Variants in SHROOM3 observed in about 807,000 individuals in gnomAD.
SHROOM3 encodes the protein protein Shroom3.
A neutral mutation model predicts 138.6 loss-of-function variants in SHROOM3; 47 were observed. The observed-to-expected ratio is 0.34, with a 90% CI of 0.27 to 0.43. SHROOM3 has a LOEUF of 0.43. Among genes scored for constraint, SHROOM3 ranks in the 20% least tolerant of loss-of-function variants. SHROOM3 has a pLI of 1.00. For synonymous variants in SHROOM3, 1,062 were observed against 1,063.3 expected (o/e 1.00, Z 0.02); for missense variants, 2,491 against 2,596.5 (o/e 0.96, Z 0.88).
chr4:76,521,209 C>A (rs1732556793), intron 1 of SHROOM3, among the ~76,000 whole-genome samples: 1 of 151,938 alleles, frequency 6.6e-6, no homozygotes, highest in Non-Finnish European at 1.5e-5. Context: ...ATATGGTGGA[C>A]AGAAATCTAT....
Position 76,781,142 on chromosome 4 carries a change from T to G in SHROOM3, c.*1965T>G, listed in dbSNP as rs1012856445. 3.9e-5 allele frequency: 6 copies of G among 152,348 alleles called. No homozygotes were observed. Among genetic ancestry groups the G allele is most frequent in the Admixed American group, 6.5e-5 (1 of 15,312 alleles). The allele number at this position is 152,348 out of a possible 1,614,324, so 9.4% of individuals were successfully genotyped here. ...TTCTCAAAAATTTTTATTTATTTTCTTGAGAAAGGGTCTTACTATGTTGCC... is the reference window on the plus strand; with the variant it reads ...TTCTCAAAAATTTTTATTTATTTTCGTGAGAAAGGGTCTTACTATGTTGCC... On this transcript the variant is annotated 3_prime_UTR_variant, in exon 11 of 11. Transcript: ENST00000296043.
At chr4:76,646,536 T>C (rs1285061540) in intron 2 of SHROOM3, among the ~76,000 whole-genome samples, 4 of 152,166 alleles carry the variant, frequency 2.6e-5, no homozygotes, top group Non-Finnish European at 5.9e-5. Context: ...TGCCCTAAAT[T>C]GTCCATGTTG....
At chr4:76,497,062 G>A (rs764021211) in intron 1 of SHROOM3, among the ~76,000 whole-genome samples, 8 of 152,204 alleles carry the variant, frequency 5.3e-5, no homozygotes, top group Admixed American at 3.3e-4. Flanking sequence ...AATAAGAGAC[G>A]TATATGGAAC....
At chr4:76,694,264 A>G (rs1225742235) in intron 2 of SHROOM3, among the ~76,000 whole-genome samples, 1 of 152,188 alleles carries the variant, frequency 6.6e-6, no homozygotes, top group Non-Finnish European at 1.5e-5. Context: ...TGTACCCTCA[A>G]GGGTTCATAG....
chr4:76,641,644 C>T (rs932626133), intron 2 of SHROOM3, among the ~76,000 whole-genome samples: 1 of 152,186 alleles, frequency 6.6e-6, no homozygotes, highest in Non-Finnish European at 1.5e-5. Context: ...TCATGGTCTT[C>T]GGAGCTCCAC....
chr4:76,754,352 C>T lies in SHROOM3; in HGVS notation c.3869C>T (p.Pro1290Leu), dbSNP rs3733242. Residue 1290 changes from proline (P) to leucine (L), a missense_variant, in exon 7 of 11, where the codon CCG (proline) becomes CTG (leucine). Transcript: ENST00000296043. ...GAAAGAGGCCAAGAAGAGATGCTGC[C>T]GCTCTTCCACCATCTCACCCCTCGT... ...CSERGQEEML[P>L]LFHHLTPRWG... The T allele has an allele frequency of 0.44, 710,042 of 1,613,826 alleles. 159,800 individuals carry two copies. The highest frequency in any genetic ancestry group is 0.63 in the African/African-American group (47,571 of 74,924).
intron 1 of SHROOM3, among the ~76,000 whole-genome samples, chr4:76,440,616 G>T (rs1180760649): frequency 6.6e-6 from 1 of 152,142 alleles, no homozygotes; most frequent in East Asian, 1.9e-4. Context: ...TGCTGTTCTT[G>T]GCAAATATAT....
intron 2 of SHROOM3, chr4:76,645,772 T>C (rs1482581387): frequency 6.6e-6 from 1 of 152,154 alleles, no homozygotes; most frequent in East Asian, 1.9e-4. Context: ...TTTGATCCCA[T>C]TCTCAAGATA....
At chr4:76,483,585 G>A (rs959206764) in intron 1 of SHROOM3, among the ~76,000 whole-genome samples, 2 of 152,216 alleles carry the variant, frequency 1.3e-5, no homozygotes, top group Admixed American at 6.5e-5. Context: ...AGAAGACAGT[G>A]TGGTGATTCC....
intron 2 of SHROOM3, among the ~76,000 whole-genome samples, chr4:76,596,383 G>A (rs1734384943): frequency 6.6e-6 from 1 of 152,164 alleles, no homozygotes; most frequent in South Asian, 2.1e-4. Flanking sequence ...CCGTACTCCA[G>A]CCTGGGCAAC....
Position 76,740,368 on chromosome 4 carries a change from C to T in SHROOM3, c.2195C>T (p.Ser732Leu). ...CGGCCCGAGGGGAGGACCGGTGCCTCGGCTTCTTTCAACAGCACAGACCCA... is the reference window on the plus strand; with the variant it reads ...CGGCCCGAGGGGAGGACCGGTGCCTTGGCTTCTTTCAACAGCACAGACCCA... ...YPRPEGRTGA[S>L]ASFNSTDPSP... is the part of the protein sequence containing the mutation. The change falls in exon 5 of 11, where the codon TCG becomes TTG. Residue 732 changes from serine (S) to leucine (L), a missense_variant. Physicochemically the swap from Ser to Leu is moderately radical, Grantham distance 145. This residue lies in a region of SHROOM3 where 1,733 missense variants were observed against 1,661.6 expected (regional missense o/e 1.04). Coordinates refer to ENST00000296043, the MANE Select transcript of SHROOM3 (RefSeq NM_020859.4). This position sits in a 1 kb window ranked among gnomAD's most constrained non-coding sequence, Gnocchi z 4.0. 2 of 1,613,058 alleles carry T rather than the reference C, an allele frequency of 1.2e-6. No individual in the cohort carries two copies. Among genetic ancestry groups the T allele is most frequent in the African/African-American group, 1.3e-5 (1 of 75,048 alleles).
intron 2 of SHROOM3, among the ~76,000 whole-genome samples, chr4:76,652,254 A>C (rs1442718846): frequency 1.3e-5 from 2 of 152,196 alleles, no homozygotes; most frequent in Non-Finnish European, 2.9e-5. Context: ...TCTCAAAAGT[A>C]AAAGACATCT....
chr4:76,469,409 C>A (rs1484916645), intron 1 of SHROOM3, among the ~76,000 whole-genome samples: 2 of 151,978 alleles, frequency 1.3e-5, no homozygotes, highest in Non-Finnish European at 2.9e-5. Flanking sequence ...TAAGTCCCCC[C>A]ACTTAAATTC....
chr4:76,441,086 GT>G (rs374530154), intron 1 of SHROOM3, among the ~76,000 whole-genome samples: 39 of 82,186 alleles, frequency 4.7e-4, no homozygotes, highest in Admixed American at 9.9e-4. Context: ...AGTTCAATTT[GT>G]TTTTTTTTTT....
intron 2 of SHROOM3, among the ~76,000 whole-genome samples, chr4:76,646,981 G>A (rs935420885): frequency 4.6e-5 from 7 of 152,116 alleles, no homozygotes; most frequent in African/African-American, 9.7e-5. Context: ...CATTTTGAGC[G>A]CTATTCACAA....
chr4:76,625,014 T>G (rs1735100263), intron 2 of SHROOM3, among the ~76,000 whole-genome samples: 1 of 152,220 alleles, frequency 6.6e-6, no homozygotes, highest in African/African-American at 2.4e-5. Flanking sequence ...AAGCCTTGCT[T>G]GGTAATTCAA....
intron 1 of SHROOM3, among the ~76,000 whole-genome samples, chr4:76,482,383 C>A (rs1051728758): frequency 6.6e-6 from 1 of 152,158 alleles, no homozygotes; most frequent in Non-Finnish European, 1.5e-5. Flanking sequence ...AGAGCCAAAT[C>A]ATGAGCCAAA....
intron 2 of SHROOM3, among the ~76,000 whole-genome samples, chr4:76,567,182 C>T (rs1020654359): frequency 2.0e-5 from 3 of 152,130 alleles, no homozygotes; most frequent in African/African-American, 4.8e-5. Context: ...TTATTGTTTA[C>T]GTAGGAAGGT....
chr4:76,594,169 CAG>C (rs1734333836), intron 2 of SHROOM3, among the ~76,000 whole-genome samples: 1 of 152,216 alleles, frequency 6.6e-6, no homozygotes, highest in Non-Finnish European at 1.5e-5. Context: ...CATCTGTCAA[CAG>C]AGTCTGTGCT....
Sources: gnomAD v4.1 joint callset for allele counts (sites outside exome capture counted in the v4.1 genomes callset) on GRCh38, gnomAD v4.1.1 for gene constraint, gnomAD v4.1.1 regional missense constraint, Gnocchi (gnomAD v3.1) non-coding constraint, MANE v1.5 for transcripts, NCBI Gene and HGNC (gene_info 2026-07-23, HGNC 2026-07-21) for gene names.